Variants in DGUOK observed in about 807,000 individuals in gnomAD.
The protein encoded by DGUOK is deoxyguanosine kinase, mitochondrial.
A neutral mutation model predicts 36.6 loss-of-function variants in DGUOK; 30 were observed. That is an observed-to-expected ratio of 0.82 (90% CI 0.61 to 1.11). The LOEUF (loss-of-function observed/expected upper bound fraction) is 1.11, where lower values mean the gene tolerates loss of function less well. DGUOK is among the 50% of genes most tolerant of loss of function. The pLI is 0.00. For missense variants in DGUOK, 361 were observed against 336.4 expected (o/e 1.07, Z -0.57); for synonymous variants, 145 against 126.3 (o/e 1.15, Z -0.99).
Position 73,927,097 on chromosome 2 carries a change from A to G in DGUOK, c.142+45A>G, listed in dbSNP as rs374317501. On this transcript the variant is annotated intron_variant, in intron 1 of 6. Transcript: ENST00000264093. Reference sequence around the variant, plus strand: ...TGCCAAGCCTTGGCCTCCGCCACGCAGGCGACAGAGGCTGGGAAAGGAGCT... The same window carrying G: ...TGCCAAGCCTTGGCCTCCGCCACGCGGGCGACAGAGGCTGGGAAAGGAGCT... 23 of 1,601,654 alleles carry G rather than the reference A, an allele frequency of 1.4e-5. No homozygotes were observed. In the South Asian group the frequency reaches 2.0e-4, roughly 14 times the overall value.
chr2:73,946,801 T>A lies in DGUOK; in HGVS notation c.338T>A (p.Phe113Tyr), dbSNP rs1412765103. The A allele has an allele frequency of 5.0e-6, 8 of 1,613,976 alleles. No homozygotes were observed. Among genetic ancestry groups the A allele is most frequent in the Non-Finnish European group, 6.8e-6 (8 of 1,180,038 alleles). The change falls in exon 3 of 7, where the codon TTT becomes TAT. Residue 113 changes from phenylalanine (F) to tyrosine (Y), a missense_variant. Coordinates refer to ENST00000264093, the MANE Select transcript of DGUOK (RefSeq NM_080916.3). ...CGATGGTCCTACACATTCCAGACAT[T>A]TTCCTTTTTGAGCCGCCTGAAAGTA... is the stretch of plus-strand genomic sequence containing the variant. ...PARWSYTFQT[F>Y]SFLSRLKVQL...
intron 4 of DGUOK, among the ~76,000 whole-genome samples, chr2:73,954,876 A>T (rs567767853): frequency 6.6e-6 from 1 of 152,210 alleles, no homozygotes; most frequent in African/African-American, 2.4e-5. Flanking sequence ...TCCTGTTCAC[A>T]TTCAGGTGTG....
intron 1 of DGUOK, among the ~76,000 whole-genome samples, chr2:73,938,035 C>T (rs1181850209): frequency 6.6e-6 from 1 of 152,170 alleles, no homozygotes; most frequent in Non-Finnish European, 1.5e-5. Flanking sequence ...ATTCAGTCTT[C>T]TTACCATAAC....
intron 1 of DGUOK, among the ~76,000 whole-genome samples, chr2:73,933,005 C>T (rs1272379517): frequency 2.0e-5 from 3 of 151,710 alleles, no homozygotes; most frequent in Non-Finnish European, 4.4e-5. Context: ...ATCTCACTGT[C>T]AGTGAGTCAT....
chr2:73,927,022 C>A lies in DGUOK; in HGVS notation c.112C>A (p.Pro38Thr). The A allele has an allele frequency of 1.9e-6, 3 of 1,610,618 alleles. No individual in the cohort carries two copies. Among genetic ancestry groups the A allele is most frequent in the Middle Eastern group, 1.6e-4 (1 of 6,062 alleles). Reference sequence around the variant, plus strand: ...CAGAGGCCTGCACGCGGGGCGCGGGCCCCGAAGGCTCTCCATCGAAGGCAA... The same window carrying A: ...CAGAGGCCTGCACGCGGGGCGCGGGACCCGAAGGCTCTCCATCGAAGGCAA... ...SSRGLHAGRG[P>T]RRLSIEGNIA... The change falls in exon 1 of 7, where the codon CCC (proline) becomes ACC (threonine). Residue 38 changes from proline to threonine, a missense_variant. Coordinates refer to ENST00000264093, the MANE Select transcript of DGUOK (RefSeq NM_080916.3).
rs1425093327 is a variant in DGUOK, at chr2:73,938,772, G to C, written c.143-138G>C. On this transcript the variant is annotated intron_variant, in intron 1 of 6. Transcript: ENST00000264093. ...TTGATCTGTTATCAGTCTGACAATG[G>C]TACGGCTGCTGAGTTTGAAATTCAG... is the stretch of plus-strand genomic sequence containing the variant. 2.1e-5 allele frequency: 15 copies of C among 700,626 alleles called. No homozygotes were observed. The Admixed American group carries it at 2.7e-4, about 13-fold the overall frequency. The allele number at this position is 700,626 out of a possible 1,614,324, so 43.4% of individuals were successfully genotyped here.
rs1340319899 is a variant in DGUOK, at chr2:73,958,906, T to C, written c.*170T>C. ...TGTTAGACTTTGCCATTGTTTTCTT[T>C]TGTACCTGAAGCATTTTGAAAATAA... On this transcript the variant is annotated 3_prime_UTR_variant, in exon 7 of 7. Coordinates refer to ENST00000264093, the MANE Select transcript of DGUOK (RefSeq NM_080916.3). The C allele has an allele frequency of 1.2e-5, 8 of 642,950 alleles. No homozygotes were observed. Among genetic ancestry groups the C allele is most frequent in the Non-Finnish European group, 2.0e-5 (7 of 356,414 alleles). 39.8% of individuals were successfully genotyped at this position (642,950 alleles called of 1,614,324 possible).
chr2:73,930,782 CTTTTTTTTTTTCTTTTTTT>C (rs1680953405), intron 1 of DGUOK, among the ~76,000 whole-genome samples: 5 of 95,486 alleles, frequency 5.2e-5, no homozygotes, highest in South Asian at 7.3e-4. Context: ...ACATAATTTT[CTTTTTTTTTTTCTTTTTTT>C]TTTTTTTTTT....
chr2:73,940,856 A>C (rs912000909), intron 2 of DGUOK, among the ~76,000 whole-genome samples: 3 of 152,208 alleles, frequency 2.0e-5, no homozygotes, highest in Non-Finnish European at 2.9e-5. Flanking sequence ...GGTTTGTGTG[A>C]GTACATTTTC....
chr2:73,946,878 A>G lies in DGUOK; in HGVS notation c.415A>G (p.Ile139Val), dbSNP rs768929581. 1.9e-6 allele frequency: 3 copies of G among 1,613,422 alleles called. No homozygotes were observed. Among genetic ancestry groups the G allele is most frequent in the Non-Finnish European group, 2.5e-6 (3 of 1,179,922 alleles). The change falls in exon 3 of 7, where the codon ATC (isoleucine) becomes GTC (valine). Residue 139 changes from isoleucine (I) to valine (V), a missense_variant. Physicochemically the swap from Ile to Val is conservative, Grantham distance 29 (BLOSUM62 3). Coordinates refer to ENST00000264093, the MANE Select transcript of DGUOK (RefSeq NM_080916.3). Reference protein sequence around the residue: ...KLLQARKPVQIFERSVYSDRY... With the variant: ...KLLQARKPVQVFERSVYSDRY... ...CTTACAGGCCAGGAAGCCAGTACAG[A>G]TCTTTGAGAGGTCTGTGTACAGTGA...
intron 4 of DGUOK, among the ~76,000 whole-genome samples, chr2:73,953,254 C>G (rs546678049): frequency 2.1e-5 from 3 of 142,738 alleles, no homozygotes; most frequent in Admixed American, 1.4e-4. Flanking sequence ...CAAACCATAG[C>G]AAATGGTGAT....
At chr2:73,950,562 A>G (rs757112492) in intron 3 of DGUOK, 23 bp from the exon 4 acceptor site, 15 of 1,613,670 alleles carry the variant, frequency 9.3e-6, no homozygotes, top group Admixed American at 1.7e-5. Flanking sequence ...TGCCCTCCCC[A>G]TTCCCATCCC....
intron 3 of DGUOK, chr2:73,947,728 G>A (rs1297625382): frequency 6.6e-6 from 1 of 152,362 alleles, no homozygotes. Flanking sequence ...GGACACTGCT[G>A]GAGTTTTTCT....
At position 73,927,006 on chromosome 2, in the gene DGUOK, G is replaced by A. The variant is rs768864466; in HGVS notation, c.96G>A (p.Leu32=). 6.2e-7 allele frequency: 1 copy of A among 1,611,452 alleles called. No individual in the cohort carries two copies. The highest frequency in any genetic ancestry group is 1.7e-5 in the Admixed American group (1 of 60,036). The change falls in exon 1 of 7, where the codon CTG becomes CTA. Residue 32 remains leucine (L), a synonymous_variant. Transcript: ENST00000264093. ...PLEGVSSSRG[L]HAGRGPRRLS... ...AGGGCGTTTCCTCCTCCAGAGGCCT[G>A]CACGCGGGGCGCGGGCCCCGAAGGC...
rs1573580648 is a variant in DGUOK at position 73,957,063 on chromosome 2, A to G, written c.592-62A>G. ...TATGGGTGGGCCTCAGAGCCCCCGA[A>G]GACTGCATTGTAGCAGCCAAAACAG... On this transcript the variant is annotated intron_variant, in intron 4 of 6. Transcript: ENST00000264093. The G allele has an allele frequency of 3.3e-6, 4 of 1,198,886 alleles. No individual in the cohort carries two copies. The South Asian group carries it at 4.9e-5, about 15-fold the overall frequency. The allele number at this position is 1,198,886 out of a possible 1,614,324, so 74.3% of individuals were successfully genotyped here. A position where few individuals can be genotyped will look rare whatever the true frequency, so the allele number is the denominator to read the frequency against.
At chr2:73,934,000 G>T (rs1681261096) in intron 1 of DGUOK, among the ~76,000 whole-genome samples, 1 of 152,066 alleles carries the variant, frequency 6.6e-6, no homozygotes, top group Non-Finnish European at 1.5e-5. Context: ...TTTCAGAATT[G>T]GATTTTTTTT....
chr2:73,950,311 CTCTTT>C (rs1682615130), intron 3 of DGUOK, among the ~76,000 whole-genome samples: 1 of 152,166 alleles, frequency 6.6e-6, no homozygotes, highest in South Asian at 2.1e-4. Context: ...TATCTTCTGT[CTCTTT>C]TCTTCCAGTG....
chr2:73,940,099 G>T lies in DGUOK; in HGVS notation c.255+1077G>T, dbSNP rs150745938. Among the ~76,000 whole-genome samples, 522 of 152,002 alleles carry T rather than the reference G, an allele frequency of 3.4e-3. 4 individuals carry two copies. The highest frequency in any genetic ancestry group is 0.012 in the African/African-American group (502 of 41,462). ...GTATCTTTAGTAGAGACAGGGTTTCGCCATGTTGGCCAGGCTGGTCTCAAA... is the reference window on the plus strand; with the variant it reads ...GTATCTTTAGTAGAGACAGGGTTTCTCCATGTTGGCCAGGCTGGTCTCAAA... On this transcript the variant is annotated intron_variant, in intron 2 of 6. Coordinates refer to ENST00000264093, the MANE Select transcript of DGUOK (RefSeq NM_080916.3).
chr2:73,952,518 A>G (rs535060929), intron 4 of DGUOK, among the ~76,000 whole-genome samples: 1 of 152,342 alleles, frequency 6.6e-6, no homozygotes, highest in Non-Finnish European at 1.5e-5. Flanking sequence ...GGTTGGATTG[A>G]GTAAAGATCC....
Sources: gnomAD v4.1 joint callset for allele counts (sites outside exome capture counted in the v4.1 genomes callset) on GRCh38, gnomAD v4.1.1 for gene constraint, MANE v1.5 for transcripts, NCBI Gene and HGNC (gene_info 2026-07-23, HGNC 2026-07-21) for gene names.